The following HARBI1 variants were observed in gnomAD, a reference collection of about 807,000 sequenced individuals.
The protein encoded by HARBI1 is harbinger transposase derived 1.
Under a neutral mutation model 25.3 loss-of-function variants are expected in HARBI1, and 15 were observed. That is an observed-to-expected ratio of 0.59 (90% CI 0.40 to 0.91). HARBI1 has a LOEUF of 0.91. HARBI1 is among the 40% of genes least tolerant of loss of function. The pLI is 0.00. For missense variants in HARBI1, 396 were observed against 445.8 expected, an observed-to-expected ratio of 0.89 and a Z score of 1.01; for synonymous variants, 168 against 160.5, an observed-to-expected ratio of 1.05 and a Z score of -0.35.
At position 46,615,613 on chromosome 11, in the gene HARBI1, T is replaced by C. The variant is rs758521139; in HGVS notation, c.625A>G (p.Ser209Gly). Reference sequence around the variant, plus strand: ...TGCATACCCGCTTCAAACTGACTACTGAGGGAAGACTGCTGCAGCACAGCA... The same window carrying C: ...TGCATACCCGCTTCAAACTGACTACCGAGGGAAGACTGCTGCAGCACAGCA... Reference protein sequence around the residue: ...DCAVLQQSSLSSQFEAGMHKD... With the variant: ...DCAVLQQSSLGSQFEAGMHKD... The change falls in exon 2 of 3, where the codon AGT becomes GGT. Residue 209 changes from serine to glycine, a missense_variant. Ser to Gly is a moderately conservative substitution (Grantham distance 56, BLOSUM62 0). Transcript: ENST00000326737. 26 of 1,614,086 alleles carry C rather than the reference T, an allele frequency of 1.6e-5. No homozygotes were observed. Among genetic ancestry groups the C allele is most frequent in the South Asian group, 1.1e-4 (10 of 91,090 alleles).
At chr11:46,614,140 TA>T (rs1299158125) in intron 2 of HARBI1, among the ~76,000 whole-genome samples, 1 of 150,932 alleles carries the variant, frequency 6.6e-6, no homozygotes, top group African/African-American at 2.4e-5. Context: ...TATATATATA[TA>T]TATAGGCTGG....
intron 2 of HARBI1, among the ~76,000 whole-genome samples, chr11:46,607,126 A>G (rs1225344714): frequency 6.6e-6 from 1 of 152,060 alleles, no homozygotes; most frequent in Non-Finnish European, 1.5e-5. Flanking sequence ...TTAGCCAGGC[A>G]TGGTGGTGCG....
chr11:46,605,586 CCTTT>C lies in HARBI1; in HGVS notation c.671-1681_671-1678del, dbSNP rs1360914889. Among the ~76,000 whole-genome samples, 361 of 134,060 alleles carry C rather than the reference CCTTT, an allele frequency of 2.7e-3. 1 individual carries two copies. Among genetic ancestry groups the C allele is most frequent in the Non-Finnish European group, 5.0e-3 (322 of 64,096 alleles). The allele number at this position is 134,060 out of a possible 152,430, so 87.9% of individuals were successfully genotyped here. ...CTGACTTTTCCCCTCCCAGGTATAA[CCTTT>C]TTTTTTTTTTTTTTTTTTTTGACAG... is the stretch of plus-strand genomic sequence containing the variant. On this transcript the variant is annotated intron_variant, in intron 2 of 2. Transcript: ENST00000326737.
intron 2 of HARBI1, among the ~76,000 whole-genome samples, chr11:46,611,469 G>A (rs1455264465): frequency 6.6e-6 from 1 of 152,102 alleles, no homozygotes; most frequent in Non-Finnish European, 1.5e-5. Flanking sequence ...CCAGCAATTT[G>A]GGAGTACAAG....
At chr11:46,615,367 G>A (rs923068619) in intron 2 of HARBI1, among the ~76,000 whole-genome samples, 5 of 151,682 alleles carry the variant, frequency 3.3e-5, no homozygotes, top group African/African-American at 9.7e-5. Flanking sequence ...AACTACAGGC[G>A]CCTGCCACCA....
intron 2 of HARBI1, among the ~76,000 whole-genome samples, chr11:46,613,128 C>T (rs1376813718): frequency 2.6e-5 from 4 of 151,520 alleles, no homozygotes; most frequent in Admixed American, 6.6e-5. Flanking sequence ...TACAGGCATG[C>T]GCCACCATGT....
In HARBI1 at chr11:46,615,717, A is replaced by G; in HGVS notation, c.521T>C (p.Leu174Ser). The G allele has an allele frequency of 6.2e-7, 1 of 1,614,184 alleles. No individual in the cohort carries two copies. Among genetic ancestry groups the G allele is most frequent in the Non-Finnish European group, 8.5e-7 (1 of 1,180,032 alleles). ...SYVNRKGLHS[L>S]NCLMVCDIRG... ...AATGTCACACACCATCAGGCAGTTT[A>G]AAGAATGCAGGCCTTTTCGGTTCAC... The change falls in exon 2 of 3, where the codon TTA (leucine) becomes TCA (serine). Residue 174 changes from leucine (L) to serine (S), a missense_variant. Physicochemically the swap from Leu to Ser is moderately radical, Grantham distance 145. Coordinates refer to ENST00000326737, the MANE Select transcript of HARBI1 (RefSeq NM_173811.4).
chr11:46,616,204 G>C lies in HARBI1; in HGVS notation c.34C>G (p.Leu12Val). The part of the protein sequence containing the change: ...AIPITVLDCD[L>V]LLYGRGHRTL... ...CGGTGACCACGGCCATATAGCAAGA[G>C]GTCACAGTCAAGCACTGTTATTGGT... Residue 12 changes from leucine (L) to valine (V), a missense_variant, in exon 2 of 3, where the codon CTC (leucine) becomes GTC (valine). By Grantham distance (32) the Leu-to-Val change is conservative. Coordinates refer to ENST00000326737, the MANE Select transcript of HARBI1 (RefSeq NM_173811.4). 6.2e-7 allele frequency: 1 copy of C among 1,611,744 alleles called. No individual in the cohort carries two copies. The highest frequency in any genetic ancestry group is 8.5e-7 in the Non-Finnish European group (1 of 1,180,012).
chr11:46,614,317 C>T (rs1481984036), intron 2 of HARBI1, among the ~76,000 whole-genome samples: 5 of 152,046 alleles, frequency 3.3e-5, no homozygotes, highest in South Asian at 2.1e-4. Flanking sequence ...ATCCCAGCTA[C>T]TCAGGAGGCT....
chr11:46,616,417 C>T, intron 1 of HARBI1, 36 bp from the exon 2 acceptor site: 1 of 1,416,220 alleles, frequency 7.1e-7, no homozygotes, highest in South Asian at 1.6e-5. Flanking sequence ...TAGGAACCTA[C>T]CAAAGACTTT....
chr11:46,613,717 A>G (rs2045273737), intron 2 of HARBI1, among the ~76,000 whole-genome samples: 1 of 152,112 alleles, frequency 6.6e-6, no homozygotes, highest in African/African-American at 2.4e-5. Context: ...GCCTGACCTC[A>G]GGTGATACAC....
At chr11:46,615,142 C>A (rs1426999159) in intron 2 of HARBI1, among the ~76,000 whole-genome samples, 1 of 152,018 alleles carries the variant, frequency 6.6e-6, no homozygotes, top group Non-Finnish European at 1.5e-5. Context: ...AAACTCCCAA[C>A]CTCAGGTGAT....
At chr11:46,613,160 A>ACT (rs2045250612) in intron 2 of HARBI1, among the ~76,000 whole-genome samples, 2 of 151,432 alleles carry the variant, frequency 1.3e-5, no homozygotes, top group Non-Finnish European at 2.9e-5. Flanking sequence ...TTGTGTTTTT[A>ACT]GTAGAGAAGG....
At chr11:46,605,197 C>A (rs2044891876) in intron 2 of HARBI1, among the ~76,000 whole-genome samples, 1 of 152,082 alleles carries the variant, frequency 6.6e-6, no homozygotes, top group African/African-American at 2.4e-5. Context: ...ACATACAGGG[C>A]TCATTTCTTT....
intron 2 of HARBI1, among the ~76,000 whole-genome samples, chr11:46,606,233 A>C (rs1204319585): frequency 3.3e-5 from 5 of 151,942 alleles, no homozygotes. Context: ...TAATGAATTT[A>C]AGAAACTGAT....
chr11:46,616,862 A>T, intron 1 of HARBI1: 1 of 910,024 alleles, frequency 1.1e-6, no homozygotes, highest in South Asian at 5.2e-5. Flanking sequence ...AAAAAAAAAA[A>T]CAACCAAAGT....
chr11:46,615,032 C>A (rs1338839048), intron 2 of HARBI1, among the ~76,000 whole-genome samples: 1 of 152,116 alleles, frequency 6.6e-6, no homozygotes, highest in African/African-American at 2.4e-5. Context: ...CCTGCCTCAG[C>A]CTCCCGAGTA....
intron 2 of HARBI1, 104 bp downstream of exon 2, chr11:46,615,464 G>A (rs575209029): frequency 3.8e-5 from 33 of 873,362 alleles, no homozygotes; most frequent in South Asian, 2.7e-4. Flanking sequence ...GTGATCTACC[G>A]CCTCAGCCTC....
chr11:46,604,182 T>C (rs527655490), intron 2 of HARBI1: 49 of 985,228 alleles, frequency 5.0e-5, no homozygotes, highest in Non-Finnish European at 5.8e-5. Context: ...TGAAAGAATG[T>C]AGGAAGGAGG....
Sources: allele counts gnomAD v4.1 joint callset (sites outside exome capture counted in the v4.1 genomes callset), GRCh38; gene constraint gnomAD v4.1.1; transcripts MANE v1.5; gene names NCBI Gene and HGNC (gene_info 2026-07-23, HGNC 2026-07-21).